Variants in CELF2 observed in about 807,000 individuals in gnomAD.
The protein encoded by CELF2 is CUG triplet repeat RNA-binding protein 2.
CELF2 carries 8 observed loss-of-function variants against 62.6 expected under a neutral mutation model. The observed-to-expected ratio is 0.13, with a 90% CI of 0.07 to 0.23. The LOEUF is 0.23. Among genes scored for constraint, CELF2 ranks in the 10% least tolerant of loss-of-function variants. The pLI, the probability that CELF2 is intolerant of heterozygous loss-of-function variation, is 1.00. For missense variants in CELF2, 333 were observed against 671.0 expected, an observed-to-expected ratio of 0.50 and a Z score of 5.56; for synonymous variants, 258 against 250.0, an observed-to-expected ratio of 1.03 and a Z score of -0.30.
At chr10:10,591,077 T>C in the CELF2 span, among the ~76,000 whole-genome samples, 6 of 152,174 alleles carry the variant, frequency 3.9e-5, no homozygotes, top group Admixed American at 1.3e-4. Flanking sequence ...CCTATTACCA[T>C]TGAGTGACCA....
At chr10:10,816,153 G>A (rs2056446217) in intron 1 of CELF2, among the ~76,000 whole-genome samples, 1 of 152,088 alleles carries the variant, frequency 6.6e-6, no homozygotes, top group East Asian at 1.9e-4. Context: ...TATATTTGTT[G>A]TTGGTAAGCA....
In CELF2 at chr10:11,005,646, G is replaced by A. The variant is rs1045931618; in HGVS notation, c.53+206G>A. ...AGCGAGAGAAAGGCGGAGGACTGCC[G>A]TGAATTCTATTTGTACTAGTTGCCT... On this transcript the variant is annotated intron_variant, in intron 1 of 12. Transcript: ENST00000416382. The surrounding 1 kb of genome is among the most constrained non-coding windows in gnomAD (Gnocchi z 4.3). Among the ~76,000 whole-genome samples, 9 of 152,152 alleles carry A rather than the reference G, an allele frequency of 5.9e-5. No homozygotes were observed. Among genetic ancestry groups the A allele is most frequent in the Admixed American group, 6.5e-5 (1 of 15,280 alleles).
intron 1 of CELF2, among the ~76,000 whole-genome samples, chr10:11,086,977 C>G (rs182662468): frequency 6.6e-5 from 10 of 152,166 alleles, no homozygotes; most frequent in Non-Finnish European, 1.5e-4. Flanking sequence ...TGGAGACATT[C>G]ACTGGCTTGT....
the CELF2 span, among the ~76,000 whole-genome samples, chr10:10,726,445 A>G: frequency 6.6e-6 from 1 of 152,202 alleles, no homozygotes; most frequent in African/African-American, 2.4e-5. Context: ...GTTCCCAACC[A>G]GGGAAATTTA....
chr10:11,259,636 G>T (rs1427152746), intron 5 of CELF2, among the ~76,000 whole-genome samples: 2 of 152,148 alleles, frequency 1.3e-5, no homozygotes, highest in African/African-American at 4.8e-5. Flanking sequence ...GGCAAGCAAA[G>T]CCATCCATCG....
chr10:11,053,700 C>T (rs191937397), intron 1 of CELF2, among the ~76,000 whole-genome samples: 127 of 150,864 alleles, frequency 8.4e-4, no homozygotes, highest in Admixed American at 1.1e-3. Flanking sequence ...CTGCAAGCTC[C>T]GCCTTCCGGG....
chr10:11,100,931 G>A (rs1445717613), intron 1 of CELF2, among the ~76,000 whole-genome samples: 4 of 152,224 alleles, frequency 2.6e-5, no homozygotes, highest in Middle Eastern at 3.2e-3. Context: ...ATGGCAGCAC[G>A]TTGAAACACC....
chr10:11,333,791 A>T lies in CELF2; in HGVS notation c.*4738A>T, dbSNP rs761386291. ...TGATGCATTTGGATTTTGTTGTTTG[A>T]TGGAATTTGAGCCAAAAAAAAAATA... On this transcript the variant is annotated 3_prime_UTR_variant, in exon 13 of 13. Coordinates refer to ENST00000633077, the MANE Select transcript of CELF2 (RefSeq NM_001326342.2). The T allele has an allele frequency of 6.6e-6, 1 of 152,368 alleles. No individual in the cohort carries two copies. Among genetic ancestry groups the T allele is most frequent in the Admixed American group, 6.6e-5 (1 of 15,266 alleles). The allele number at this position is 152,368 out of a possible 1,614,324, so 9.4% of individuals were successfully genotyped here.
the CELF2 span, among the ~76,000 whole-genome samples, chr10:10,648,662 T>A: frequency 6.6e-6 from 1 of 152,160 alleles, no homozygotes; most frequent in Non-Finnish European, 1.5e-5. Context: ...CTTAAATGGG[T>A]CAGGTGTATA....
intron 8 of CELF2, among the ~76,000 whole-genome samples, chr10:11,288,153 T>C (rs1312167845): frequency 6.6e-6 from 1 of 152,240 alleles, no homozygotes; most frequent in African/African-American, 2.4e-5. Context: ...AAGCGCAGGC[T>C]CTGCCAGGGA....
chr10:10,724,949 G>A, the CELF2 span, among the ~76,000 whole-genome samples: 2 of 121,532 alleles, frequency 1.6e-5, no homozygotes, highest in Non-Finnish European at 3.8e-5. Flanking sequence ...TTTTAGTTGA[G>A]TCATAAAACC....
At chr10:10,481,456 GA>G in the CELF2 span, among the ~76,000 whole-genome samples, 1 of 152,086 alleles carries the variant, frequency 6.6e-6, no homozygotes, top group African/African-American at 2.4e-5. Flanking sequence ...CTTCTTTGGG[GA>G]AAGGCATGAC....
the CELF2 span, among the ~76,000 whole-genome samples, chr10:10,618,237 G>T: frequency 6.6e-6 from 1 of 151,958 alleles, no homozygotes; most frequent in Non-Finnish European, 1.5e-5. Context: ...TCAATTTTTG[G>T]CTCCCTGACC....
At chr10:10,717,504 AAAAAT>A in the CELF2 span, among the ~76,000 whole-genome samples, 1 of 152,208 alleles carries the variant, frequency 6.6e-6, no homozygotes, top group Non-Finnish European at 1.5e-5. Flanking sequence ...ATTATGTGAA[AAAAAT>A]AAATTTATAT....
chr10:10,769,248 G>T, the CELF2 span, among the ~76,000 whole-genome samples: 12,211 of 152,110 alleles, frequency 0.08, 700 homozygotes, highest in East Asian at 0.18. Flanking sequence ...GGCATTTCTC[G>T]CATCCAAGTT....
chr10:11,205,760 T>C (rs1024059960), intron 2 of CELF2, among the ~76,000 whole-genome samples: 1 of 152,230 alleles, frequency 6.6e-6, no homozygotes. Context: ...CCAGGCAGTA[T>C]GGAGAAATAT....
intron 1 of CELF2, among the ~76,000 whole-genome samples, chr10:10,829,695 GTTC>G (rs1227164558): frequency 2.0e-5 from 3 of 152,116 alleles, no homozygotes; most frequent in Middle Eastern, 3.2e-3. Context: ...GCTTTAGCAT[GTTC>G]TTCTGCCTCT....
intron 2 of CELF2, chr10:10,920,141 T>C (rs775559808): frequency 2.1e-6 from 1 of 468,324 alleles, no homozygotes; most frequent in Non-Finnish European, 3.4e-6. Flanking sequence ...ACCATGTAAA[T>C]GCCAAAAATT....
chr10:10,657,928 T>C, the CELF2 span, among the ~76,000 whole-genome samples: 2 of 152,246 alleles, frequency 1.3e-5, no homozygotes, highest in African/African-American at 4.8e-5. Context: ...TGCTTTGCCC[T>C]GTTATTAACT....
Sources: allele counts gnomAD v4.1 joint callset (sites outside exome capture counted in the v4.1 genomes callset), GRCh38; gene constraint gnomAD v4.1.1; non-coding constraint Gnocchi (gnomAD v3.1); transcripts MANE v1.5; gene names NCBI Gene and HGNC (gene_info 2026-07-23, HGNC 2026-07-21).